Variants in SLC7A13 observed in about 807,000 individuals in gnomAD.
The protein encoded by SLC7A13 is X-amino acid transporter 2.
Under a neutral mutation model 32.0 loss-of-function variants are expected in SLC7A13, and 31 were observed. The ratio of observed to expected loss-of-function variants is 0.97; its 90% CI spans 0.73 to 1.31. The LOEUF (loss-of-function observed/expected upper bound fraction) is 1.31. Among genes scored for constraint, SLC7A13 ranks in the 50% most tolerant of loss-of-function variants. The probability of loss-of-function intolerance (pLI) is 0.00; values close to 1 mark genes in which losing one functional copy is unlikely to be tolerated. For synonymous variants in SLC7A13, 232 were observed against 206.9 expected (o/e 1.12, Z -1.04); for missense variants, 633 against 546.9 (o/e 1.16, Z -1.57).
At chr8:86,220,992 C>T (rs963764082) in intron 2 of SLC7A13, among the ~76,000 whole-genome samples, 2 of 108,530 alleles carry the variant, frequency 1.8e-5, no homozygotes, top group African/African-American at 3.2e-5. Flanking sequence ...GACTCTGTTT[C>T]AAAAAAAAAA....
At chr8:86,224,272 T>C (rs1586148178) in intron 1 of SLC7A13, among the ~76,000 whole-genome samples, 1 of 152,148 alleles carries the variant, frequency 6.6e-6, no homozygotes, top group East Asian at 1.9e-4. Context: ...TATCCCTTCT[T>C]GCCATAGGGT....
chr8:86,217,960 T>C, intron 2 of SLC7A13, 129 bp from the exon 3 acceptor site: 1 of 1,045,532 alleles, frequency 9.6e-7, no homozygotes, highest in Non-Finnish European at 1.3e-6. Context: ...TGCTTAATTT[T>C]ATCATTTATT....
chr8:86,215,505 G>A, intron 3 of SLC7A13: 1 of 290,356 alleles, frequency 3.4e-6, no homozygotes, highest in South Asian at 2.7e-5. Flanking sequence ...GGGCAACATG[G>A]TGAAACACCG....
At chr8:86,216,926 G>A (rs1295163726) in intron 3 of SLC7A13, among the ~76,000 whole-genome samples, 1 of 152,112 alleles carries the variant, frequency 6.6e-6, no homozygotes, top group East Asian at 1.9e-4. Context: ...ACGTTCTTAT[G>A]CTACCAAGTT....
intron 1 of SLC7A13, 25 bp downstream of exon 1, chr8:86,229,568 A>G: frequency 6.4e-7 from 1 of 1,573,162 alleles, no homozygotes; most frequent in Non-Finnish European, 8.6e-7. Context: ...ATGATTTTAG[A>G]TTTTTTTCCT....
At chr8:86,228,388 G>A (rs1319341545) in intron 1 of SLC7A13, among the ~76,000 whole-genome samples, 1 of 152,044 alleles carries the variant, frequency 6.6e-6, no homozygotes, top group African/African-American at 2.4e-5. Context: ...TATTTTTCTT[G>A]TTTTGAGACA....
Position 86,229,810 on chromosome 8 carries a change from C to T in SLC7A13, c.468G>A (p.Val156=). 6.2e-7 allele frequency: 1 copy of T among 1,614,184 alleles called. No individual in the cohort carries two copies. The highest frequency in any genetic ancestry group is 1.3e-5 in the African/African-American group (1 of 75,052). The part of the protein sequence containing the change: ...GILTSRGVKE[V]TWLQIASSVL... ...CTGAGCTAGCTATCTGAAGCCAAGT[C>T]ACTTCTTTCACACCACGAGAAGTCA... The change falls in exon 1 of 4, where the codon GTG becomes GTA. Residue 156 remains valine, a synonymous_variant. Transcript: ENST00000297524.
At chr8:86,218,632 C>G (rs1031620394) in intron 2 of SLC7A13, among the ~76,000 whole-genome samples, 1 of 150,790 alleles carries the variant, frequency 6.6e-6, no homozygotes, top group African/African-American at 2.4e-5. Flanking sequence ...GATTAAGAAA[C>G]TAACCATTAG....
Position 86,229,728 on chromosome 8 carries a change from T to C in SLC7A13, c.550A>G (p.Arg184Gly). Reference sequence around the variant, plus strand: ...CGTTCTACATTCTCCTTTTTCCCTCTTATCAGGAACACTACTCCAGTTAGG... The same window carrying C: ...CGTTCTACATTCTCCTTTTTCCCTCCTATCAGGAACACTACTCCAGTTAGG... ...ISLTGVVFLI[R>G]GKKENVERFQ... Residue 184 changes from arginine (R) to glycine (G), a missense_variant, in exon 1 of 4, where the codon AGA becomes GGA. Physicochemically the swap from Arg to Gly is moderately radical, Grantham distance 125 (BLOSUM62 -2). Coordinates refer to ENST00000297524, the MANE Select transcript of SLC7A13 (RefSeq NM_138817.3). The C allele has an allele frequency of 1.2e-6, 2 of 1,614,180 alleles. No individual in the cohort carries two copies. Among genetic ancestry groups the C allele is most frequent in the African/African-American group, 1.3e-5 (1 of 75,052 alleles).
At chr8:86,216,204 C>A (rs1039180791) in intron 3 of SLC7A13, among the ~76,000 whole-genome samples, 1 of 152,094 alleles carries the variant, frequency 6.6e-6, no homozygotes, top group Non-Finnish European at 1.5e-5. Flanking sequence ...AAATGTGGAT[C>A]AGAAAACAGC....
At position 86,214,584 on chromosome 8, in the gene SLC7A13, C is replaced by G. The variant is rs766058323; in HGVS notation, c.1242G>C (p.Leu414Phe). The part of the protein sequence containing the change: ...VIDVGLVVIP[L>F]VKSPNVHYVY... ...CATAATGCACATTTGGAGACTTTACCAATGGTATCACAACCAAGCCCACGT... is the reference window on the plus strand; with the variant it reads ...CATAATGCACATTTGGAGACTTTACGAATGGTATCACAACCAAGCCCACGT... The change falls in exon 4 of 4, where the codon TTG becomes TTC. Residue 414 changes from leucine (L) to phenylalanine (F), a missense_variant. Physicochemically the swap from Leu to Phe is conservative, Grantham distance 22. Transcript: ENST00000297524. 7 of 1,613,478 alleles carry G rather than the reference C, an allele frequency of 4.3e-6. No individual in the cohort carries two copies. In the African/African-American group the frequency reaches 9.4e-5, roughly 22 times the overall value.
chr8:86,217,696 C>T lies in SLC7A13; in HGVS notation c.953G>A (p.Ser318Asn). The change falls in exon 3 of 4, where the codon AGC (serine) becomes AAC (asparagine). Residue 318 changes from serine (S) to asparagine (N), a missense_variant. Physicochemically the swap from Ser to Asn is conservative, Grantham distance 46. Transcript: ENST00000297524. The stretch of plus-strand genomic sequence containing the variant: ...TAGCAAAGGCAGCTGGCCCTCTTGG[C>T]TTGCAAGATATATTGGTCTCGATGA... ...FKSSRPIYLA[S>N]QEGQLPLLFN... The T allele has an allele frequency of 1.2e-6, 2 of 1,613,418 alleles. No individual in the cohort carries two copies. The highest frequency in any genetic ancestry group is 1.3e-5 in the African/African-American group (1 of 74,922).
At chr8:86,217,937 A>G in intron 2 of SLC7A13, 106 bp from the exon 3 acceptor site, 2 of 1,225,428 alleles carry the variant, frequency 1.6e-6, no homozygotes, top group South Asian at 1.7e-5. Flanking sequence ...TAAGTAATTA[A>G]TAACATTTAG....
At chr8:86,219,790 T>G (rs1249198075) in intron 2 of SLC7A13, among the ~76,000 whole-genome samples, 1 of 152,164 alleles carries the variant, frequency 6.6e-6, no homozygotes. Flanking sequence ...ACTGTTTTAT[T>G]TGTAGCTTAT....
At chr8:86,219,761 G>A (rs577989275) in intron 2 of SLC7A13, among the ~76,000 whole-genome samples, 2 of 152,092 alleles carry the variant, frequency 1.3e-5, no homozygotes, top group Admixed American at 6.6e-5. Context: ...CTGTCATTGC[G>A]TTTATCTACC....
At position 86,217,500 on chromosome 8, in the gene SLC7A13, G is replaced by C. The variant is rs184231310; in HGVS notation, c.1149C>G (p.Tyr383Ter). Residue 383 changes from tyrosine to a stop codon, truncating the protein, a stop_gained, in exon 3 of 4, where the codon TAC becomes TAG. Transcript: ENST00000297524. LOFTEE classifies it low-confidence loss of function (END_TRUNC). Reference sequence around the variant, plus strand: ...AAGGTATAGATAGATTGGGTTCCTGGTATCTCCGCCTTAGTATTCCTATCA... The same window carrying C: ...AAGGTATAGATAGATTGGGTTCCTGCTATCTCCGCCTTAGTATTCCTATCA... ...LLMIGILRRRYQEPNLSIPYK... is the reference protein window; with the variant it reads ...LLMIGILRRR The C allele has an allele frequency of 1.3e-5, 20 of 1,591,318 alleles. No homozygotes were observed. The Admixed American group carries it at 3.5e-4, about 28-fold the overall frequency.
chr8:86,218,096 A>G (rs1305777469), intron 2 of SLC7A13, among the ~76,000 whole-genome samples: 1 of 152,176 alleles, frequency 6.6e-6, no homozygotes, highest in East Asian at 1.9e-4. Flanking sequence ...GGGCAAGGAT[A>G]ATCCATTTAT....
At chr8:86,222,922 G>T (rs146276599) in intron 2 of SLC7A13, 50 bp downstream of exon 2, 1 of 1,487,612 alleles carries the variant, frequency 6.7e-7, no homozygotes, top group Non-Finnish European at 8.9e-7. Flanking sequence ...TGATAGTTAC[G>T]TTGAAAGGAC....
intron 2 of SLC7A13, among the ~76,000 whole-genome samples, chr8:86,220,992 C>CAA (rs35169757): frequency 0.12 from 13,422 of 108,308 alleles, 713 homozygotes; most frequent in South Asian, 0.18. Context: ...GACTCTGTTT[C>CAA]AAAAAAAAAA....
Sources: gnomAD v4.1 joint callset for allele counts (sites outside exome capture counted in the v4.1 genomes callset) on GRCh38, gnomAD v4.1.1 for gene constraint, MANE v1.5 for transcripts, NCBI Gene and HGNC (gene_info 2026-07-23, HGNC 2026-07-21) for gene names.